The following FSTL5 variants were observed in gnomAD, a reference collection of about 807,000 sequenced individuals.
The protein encoded by FSTL5 is follistatin like 5.
In FSTL5, 62 loss-of-function variants were observed where a neutral mutation model predicts 89.1. That is an observed-to-expected ratio of 0.70 (90% CI 0.57 to 0.86). The LOEUF is 0.86. FSTL5 is among the 40% of genes least tolerant of loss of function. FSTL5 has a pLI of 0.00. For synonymous variants in FSTL5, 383 were observed against 346.2 expected, an observed-to-expected ratio of 1.11 and a Z score of -1.18; for missense variants, 1,057 against 1,001.6, an observed-to-expected ratio of 1.06 and a Z score of -0.75.
intron 4 of FSTL5, 122 bp from the exon 5 acceptor site, chr4:161,776,196 G>A: frequency 7.5e-6 from 4 of 531,108 alleles, no homozygotes; most frequent in Middle Eastern, 1.1e-3. Flanking sequence ...CTTTTCTGGT[G>A]TTTTACGATT....
intron 6 of FSTL5, among the ~76,000 whole-genome samples, chr4:161,669,192 A>T (rs1373134604): frequency 6.6e-6 from 1 of 151,944 alleles, no homozygotes; most frequent in Admixed American, 6.6e-5. Flanking sequence ...CATGAAAACA[A>T]AAACTCAGTA....
intron 4 of FSTL5, among the ~76,000 whole-genome samples, chr4:161,906,218 A>T (rs1264134279): frequency 6.6e-6 from 1 of 152,154 alleles, no homozygotes; most frequent in East Asian, 1.9e-4. Context: ...TATCAGGAAT[A>T]ATAACCATAC....
intron 3 of FSTL5, among the ~76,000 whole-genome samples, chr4:162,005,562 G>C (rs1046847111): frequency 4.6e-5 from 7 of 152,132 alleles, no homozygotes; most frequent in African/African-American, 1.7e-4. Flanking sequence ...CAGAGTTGGA[G>C]AGGAATGTAA....
At chr4:161,709,704 G>A (rs1194396110) in intron 6 of FSTL5, among the ~76,000 whole-genome samples, 3 of 152,060 alleles carry the variant, frequency 2.0e-5, no homozygotes, top group African/African-American at 4.8e-5. Context: ...AGTGAAGTGC[G>A]AGGATCACTT....
intron 8 of FSTL5, among the ~76,000 whole-genome samples, chr4:161,550,852 C>T (rs933935416): frequency 2.2e-4 from 34 of 151,808 alleles, no homozygotes; most frequent in Middle Eastern, 3.4e-3. Flanking sequence ...TTTGTTCTTG[C>T]GATAGTTTGC....
intron 2 of FSTL5, among the ~76,000 whole-genome samples, chr4:162,053,908 A>T (rs1738459805): frequency 1.3e-5 from 2 of 151,676 alleles, no homozygotes. Flanking sequence ...TTCTATGCAA[A>T]TTTTTTCCAG....
rs114903961 is a variant in FSTL5, at chr4:161,942,912, T to G, written c.161-22260A>C. On this transcript the variant is annotated intron_variant, in intron 3 of 15. Coordinates refer to ENST00000306100, the MANE Select transcript of FSTL5 (RefSeq NM_020116.5). ...GTCATTATTCACATATGACATGATC[T>G]TATATGTCAAAATGCTAAATAAACC... 5.5e-3 allele frequency among the ~76,000 whole-genome samples: 832 copies of G among 152,286 alleles called. 5 individuals carry two copies. Among genetic ancestry groups the G allele is most frequent in the Middle Eastern group, 0.014 (4 of 294 alleles).
chr4:161,555,718 C>T (rs1732363629), intron 8 of FSTL5, among the ~76,000 whole-genome samples: 1 of 151,558 alleles, frequency 6.6e-6, no homozygotes, highest in African/African-American at 2.4e-5. Flanking sequence ...CTAAAGGAAA[C>T]ACTCTCTGGT....
intron 7 of FSTL5, among the ~76,000 whole-genome samples, chr4:161,647,685 AG>A (rs751100648): frequency 3.5e-4 from 54 of 152,130 alleles, no homozygotes; most frequent in Non-Finnish European, 6.6e-4. Context: ...AGTGATGGGA[AG>A]GGAAAAGCAT....
At chr4:161,597,755 T>A (rs944780292) in intron 7 of FSTL5, among the ~76,000 whole-genome samples, 9 of 151,448 alleles carry the variant, frequency 5.9e-5, no homozygotes, top group Non-Finnish European at 1.3e-4. Flanking sequence ...ATGCAATAGG[T>A]TATGGAGTGT....
At chr4:161,426,189 T>G (rs1241537196) in intron 15 of FSTL5, among the ~76,000 whole-genome samples, 2 of 152,148 alleles carry the variant, frequency 1.3e-5, no homozygotes, top group Non-Finnish European at 2.9e-5. Context: ...ATGTAGCAAC[T>G]CTATTCAAAT....
chr4:161,913,775 T>G (rs1733764033), intron 4 of FSTL5, among the ~76,000 whole-genome samples: 1 of 152,036 alleles, frequency 6.6e-6, no homozygotes, highest in African/African-American at 2.4e-5. Context: ...TTGGACTTGC[T>G]TGGGCCCTGT....
chr4:161,960,100 T>C (rs1002143057), intron 3 of FSTL5, among the ~76,000 whole-genome samples: 5 of 152,034 alleles, frequency 3.3e-5, no homozygotes, highest in African/African-American at 1.2e-4. Flanking sequence ...GTTTGCTTTT[T>C]CAATATTTAT....
intron 4 of FSTL5, among the ~76,000 whole-genome samples, chr4:161,884,358 T>C (rs2163491): frequency 0.93 from 140,996 of 152,292 alleles, 66,137 homozygotes; most frequent in Non-Finnish European, 1. Context: ...TACTGCTTAT[T>C]AATTTCATAT....
rs1560840934 is a variant in FSTL5 at position 161,779,795 on chromosome 4, ATATATATATATATATG to A, written c.410-3737_410-3722del. Among the ~76,000 whole-genome samples, 244 of 52,902 alleles carry A rather than the reference ATATATATATATATATG, an allele frequency of 4.6e-3. 6 individuals carry two copies. Among genetic ancestry groups the A allele is most frequent in the African/African-American group, 0.022 (176 of 7,836 alleles). The allele number at this position is 52,902 out of a possible 152,430, so 34.7% of individuals were successfully genotyped here. A position where few individuals can be genotyped will look rare whatever the true frequency, so the allele number is the denominator to read the frequency against. On this transcript the variant is annotated intron_variant, in intron 4 of 15. Coordinates refer to ENST00000306100, the MANE Select transcript of FSTL5 (RefSeq NM_020116.5). ...TATATGTATATATATATATATATAT[ATATATATATATATATG>A]TATATATATATATATATATATATAT...
intron 10 of FSTL5, among the ~76,000 whole-genome samples, chr4:161,510,998 C>T (rs1730633721): frequency 6.6e-6 from 1 of 152,006 alleles, no homozygotes; most frequent in African/African-American, 2.4e-5. Context: ...TTAGTACATA[C>T]TGAATTGTTC....
chr4:161,871,555 A>T (rs4234942), intron 4 of FSTL5, among the ~76,000 whole-genome samples: 130,191 of 152,084 alleles, frequency 0.86, 56,900 homozygotes, highest in East Asian at 0.98. Flanking sequence ...ATATATTATC[A>T]CATATAATAT....
chr4:161,906,047 G>T (rs1368154581), intron 4 of FSTL5, among the ~76,000 whole-genome samples: 1 of 152,100 alleles, frequency 6.6e-6, no homozygotes, highest in Non-Finnish European at 1.5e-5. Flanking sequence ...TAAGAAACCA[G>T]TTGGAATCAA....
At chr4:161,672,879 T>TATGTAAATAGTAAAA (rs1560782148) in intron 6 of FSTL5, among the ~76,000 whole-genome samples, 1 of 152,036 alleles carries the variant, frequency 6.6e-6, no homozygotes, top group Non-Finnish European at 1.5e-5. Flanking sequence ...TGAATAGACT[T>TATGTAAATAGTAAAA]TTAATTACTC....
Sources: gnomAD v4.1 joint callset for allele counts (sites outside exome capture counted in the v4.1 genomes callset) on GRCh38, gnomAD v4.1.1 for gene constraint, MANE v1.5 for transcripts, NCBI Gene and HGNC (gene_info 2026-07-23, HGNC 2026-07-21) for gene names.